Variants in C1orf87 observed in about 807,000 individuals in gnomAD.
C1orf87 encodes uncharacterized protein C1orf87.
A neutral mutation model predicts 60.5 loss-of-function variants in C1orf87; 58 were observed. That is an observed-to-expected ratio of 0.96 (90% CI 0.78 to 1.19). The LOEUF (loss-of-function observed/expected upper bound fraction) is 1.19. C1orf87 is among the 50% of genes most tolerant of loss of function. The probability of loss-of-function intolerance (pLI) is 0.00; values close to 1 mark genes in which losing one functional copy is unlikely to be tolerated. For missense variants in C1orf87, 673 were observed against 638.6 expected (o/e 1.05, Z -0.58); for synonymous variants, 236 against 227.4 (o/e 1.04, Z -0.34).
intron 6 of C1orf87, 61 bp from the exon 7 acceptor site, chr1:60,033,702 CTTTCCTACTACA>C: frequency 6.5e-7 from 1 of 1,536,306 alleles, no homozygotes; most frequent in Non-Finnish European, 8.9e-7. Flanking sequence ...CAGCTGCATG[CTTTCCTACTACA>C]TTTCTCAACT....
intron 1 of C1orf87, 50 bp from the exon 2 acceptor site, chr1:60,072,720 C>A: frequency 1.1e-6 from 1 of 922,214 alleles, no homozygotes; most frequent in Non-Finnish European, 1.7e-6. Context: ...CATTAGGGAA[C>A]TGCATCATCC....
At position 60,061,776 on chromosome 1, in the gene C1orf87, CAAA is replaced by C. The variant is rs57844722; in HGVS notation, c.108-6341_108-6339del. ...CAACATGGCCAAACCCCATCTCTAC[CAAA>C]AAAAAAAAAAAAAAAAAAAAAAATA... On this transcript the variant is annotated intron_variant, in intron 2 of 11. Transcript: ENST00000371201. Among the ~76,000 whole-genome samples, 99 of 53,164 alleles carry C rather than the reference CAAA, an allele frequency of 1.9e-3. 1 individual carries two copies. Among genetic ancestry groups the C allele is most frequent in the Non-Finnish European group, 3.0e-3 (88 of 29,284 alleles). 34.9% of individuals were successfully genotyped at this position (53,164 alleles called of 152,430 possible). A position where few individuals can be genotyped will look rare whatever the true frequency, so the allele number is the denominator to read the frequency against.
At chr1:60,047,966 A>T (rs193201191) in intron 3 of C1orf87, among the ~76,000 whole-genome samples, 1 of 152,140 alleles carries the variant, frequency 6.6e-6, no homozygotes, top group Non-Finnish European at 1.5e-5. Context: ...CAATTAATAT[A>T]TAGTTAGGTT....
chr1:60,008,510 G>C (rs998143440), intron 9 of C1orf87: 1 of 233,290 alleles, frequency 4.3e-6, no homozygotes, highest in African/African-American at 2.3e-5. Flanking sequence ...AGGTGATTAA[G>C]TAAAAATGAA....
intron 11 of C1orf87, among the ~76,000 whole-genome samples, chr1:59,993,453 A>G (rs1314374533): frequency 6.6e-6 from 1 of 152,058 alleles, no homozygotes; most frequent in Non-Finnish European, 1.5e-5. Context: ...TATAAACAGT[A>G]TATATGTAAT....
intron 8 of C1orf87, among the ~76,000 whole-genome samples, chr1:60,011,158 T>C (rs1445076530): frequency 3.3e-5 from 5 of 152,164 alleles, no homozygotes; most frequent in Admixed American, 3.3e-4. Context: ...GAAATTACAT[T>C]GAGTAATATG....
Position 60,011,695 on chromosome 1 carries a change from T to A in C1orf87, c.1128-1239A>T, listed in dbSNP as rs181929663. Among the ~76,000 whole-genome samples, 56 of 152,228 alleles carry A rather than the reference T, an allele frequency of 3.7e-4. No individual in the cohort carries two copies. The East Asian group carries it at 0.011, about 29-fold the overall frequency. The stretch of plus-strand genomic sequence containing the variant: ...AAGTTGGGAAATACATATGCTGGGT[T>A]TTTAAAGAAAAGTTCTAATGTCATA... On this transcript the variant is annotated intron_variant, in intron 8 of 11. Transcript: ENST00000371201.
chr1:60,006,139 C>T (rs762443133), intron 9 of C1orf87, among the ~76,000 whole-genome samples: 7 of 151,832 alleles, frequency 4.6e-5, no homozygotes, highest in Non-Finnish European at 8.8e-5. Context: ...ATGTGATGGC[C>T]ATAGCTACCA....
At chr1:60,002,613 CTGTGCAGAAGCTCTTTAGTTTAA>C in intron 9 of C1orf87, among the ~76,000 whole-genome samples, 1 of 152,098 alleles carries the variant, frequency 6.6e-6, no homozygotes, top group East Asian at 1.9e-4. Context: ...GTTTCTTTTG[CTGTGCAGAAGCTCTTTAGTTTAA>C]TTAGATCCCA....
chr1:60,007,638 G>A (rs968953565), intron 9 of C1orf87, among the ~76,000 whole-genome samples: 4 of 151,848 alleles, frequency 2.6e-5, no homozygotes, highest in Non-Finnish European at 4.4e-5. Context: ...AAGAGTCTTC[G>A]AACAAATATT....
chr1:60,027,728 A>T (rs1330779226), intron 7 of C1orf87, among the ~76,000 whole-genome samples: 2 of 152,218 alleles, frequency 1.3e-5, no homozygotes, highest in African/African-American at 2.4e-5. Context: ...GGGGAAAAAA[A>T]AAAGATTGAT....
chr1:59,993,633 C>A (rs1644941499), intron 11 of C1orf87, among the ~76,000 whole-genome samples: 1 of 151,938 alleles, frequency 6.6e-6, no homozygotes, highest in African/African-American at 2.4e-5. Context: ...TTGTATCTGT[C>A]TAATTTACTC....
intron 8 of C1orf87, among the ~76,000 whole-genome samples, chr1:60,022,209 A>G (rs531233048): frequency 1.3e-5 from 2 of 151,794 alleles, no homozygotes; most frequent in African/African-American, 2.4e-5. Context: ...TTAATAGACA[A>G]CAATAGCTGT....
chr1:60,065,292 G>A (rs1645538060), intron 2 of C1orf87, among the ~76,000 whole-genome samples: 1 of 151,510 alleles, frequency 6.6e-6, no homozygotes, highest in Admixed American at 6.6e-5. Context: ...GGGGAGGGAA[G>A]AAGATACTAT....
intron 3 of C1orf87, among the ~76,000 whole-genome samples, chr1:60,044,791 T>G (rs1205045922): frequency 6.6e-6 from 1 of 152,256 alleles, no homozygotes; most frequent in Non-Finnish European, 1.5e-5. Flanking sequence ...AGAGCACCTA[T>G]GAAGTCTCTA....
chr1:60,025,093 A>G (rs894662058), intron 8 of C1orf87, among the ~76,000 whole-genome samples: 3 of 152,216 alleles, frequency 2.0e-5, no homozygotes, highest in Non-Finnish European at 2.9e-5. Context: ...TTCACTAGGT[A>G]GGAATCTAGA....
intron 2 of C1orf87, among the ~76,000 whole-genome samples, chr1:60,064,920 T>A (rs1456049509): frequency 1.1e-5 from 1 of 93,492 alleles, no homozygotes; most frequent in Admixed American, 1.8e-4. Flanking sequence ...ATATTTTATA[T>A]TATATAATAT....
intron 8 of C1orf87, among the ~76,000 whole-genome samples, chr1:60,019,576 C>T (rs1432272657): frequency 2.6e-5 from 4 of 152,080 alleles, no homozygotes; most frequent in African/African-American, 7.2e-5. Flanking sequence ...CAGAAGAAGA[C>T]AGGAAGATGT....
chr1:60,025,434 T>A lies in C1orf87; in HGVS notation c.1094A>T (p.Asn365Ile). 6.2e-7 allele frequency: 1 copy of A among 1,613,536 alleles called. No individual in the cohort carries two copies. ...ATTTTGGTAACCCAAATCTTGATGG[T>A]TAAGCAATGTTTCCAGCAGGCTCAG... Reference protein sequence around the residue: ...LTLSLLETLLNHQDLGYQNEI... With the variant: ...LTLSLLETLLIHQDLGYQNEI... Residue 365 changes from asparagine to isoleucine, a missense_variant, in exon 8 of 12, where the codon AAC becomes ATC. Physicochemically the swap from Asn to Ile is moderately radical, Grantham distance 149. Transcript: ENST00000371201.
Sources: allele counts gnomAD v4.1 joint callset (sites outside exome capture counted in the v4.1 genomes callset), GRCh38; gene constraint gnomAD v4.1.1; transcripts MANE v1.5; gene names NCBI Gene and HGNC (gene_info 2026-07-23, HGNC 2026-07-21).